INPP5A: variants seen among roughly 807,000 people sequenced by gnomAD.
INPP5A encodes the protein 43 kDa inositol polyphosphate 5-phophatase.
Under a neutral mutation model 65.2 loss-of-function variants are expected in INPP5A, and 14 were observed. The observed-to-expected ratio is 0.21, with a 90% CI of 0.14 to 0.34. The LOEUF (loss-of-function observed/expected upper bound fraction) is 0.34, where lower values mean the gene tolerates loss of function less well. Among genes scored for constraint, INPP5A ranks in the 10% least tolerant of loss-of-function variants. The pLI, the probability that INPP5A is intolerant of heterozygous loss-of-function variation, is 1.00. For missense variants in INPP5A, 431 were observed against 545.6 expected, an observed-to-expected ratio of 0.79 and a Z score of 2.09; for synonymous variants, 207 against 208.3, an observed-to-expected ratio of 0.99 and a Z score of 0.05.
Position 132,637,003 on chromosome 10 carries a change from C to T in INPP5A, c.118-8865C>T, listed in dbSNP as rs541269788. Among the ~76,000 whole-genome samples, 145 of 152,214 alleles carry T rather than the reference C, an allele frequency of 9.5e-4. No individual in the cohort carries two copies. The highest frequency in any genetic ancestry group is 3.4e-3 in the African/African-American group (141 of 41,518). On this transcript the variant is annotated intron_variant, in intron 2 of 15. Coordinates refer to ENST00000368594, the MANE Select transcript of INPP5A (RefSeq NM_005539.5). The surrounding 1 kb of genome is among the most constrained non-coding windows in gnomAD (Gnocchi z 4.1). ...CACAATCTCAGCTCACTGAAACTTCCGCCTCCCGGGTTCAAGCGATTCTCC... is the reference window on the plus strand; with the variant it reads ...CACAATCTCAGCTCACTGAAACTTCTGCCTCCCGGGTTCAAGCGATTCTCC...
intron 4 of INPP5A, among the ~76,000 whole-genome samples, chr10:132,658,825 C>T (rs143074863): frequency 9.2e-5 from 14 of 152,228 alleles, no homozygotes; most frequent in African/African-American, 3.1e-4. Context: ...CCACCAAGAC[C>T]GCCGAGACTG....
intron 3 of INPP5A, among the ~76,000 whole-genome samples, chr10:132,648,201 T>A (rs2072524353): frequency 6.6e-6 from 1 of 152,298 alleles, no homozygotes; most frequent in Non-Finnish European, 1.5e-5. Context: ...AAAGTGGGGG[T>A]GCACCCTGAG....
intron 2 of INPP5A, among the ~76,000 whole-genome samples, chr10:132,612,667 C>A (rs1010180959): frequency 6.6e-6 from 1 of 152,196 alleles, no homozygotes; most frequent in Non-Finnish European, 1.5e-5. Context: ...GGGCCCTTGC[C>A]CCTTGCCTGG....
At position 132,555,612 on chromosome 10, in the gene INPP5A, C is replaced by T. The variant is rs1448414624; in HGVS notation, c.75+17441C>T. On this transcript the variant is annotated intron_variant, in intron 1 of 15. Coordinates refer to ENST00000368594, the MANE Select transcript of INPP5A (RefSeq NM_005539.5). The surrounding 1 kb of genome is among the most constrained non-coding windows in gnomAD (Gnocchi z 4.4). The stretch of plus-strand genomic sequence containing the variant: ...CGTGGGTCACAAACTCAAATGCACA[C>T]ACTTGGGGCTTCTATCCTATCAGGG... Among the ~76,000 whole-genome samples the T allele has an allele frequency of 2.0e-5, 3 of 152,180 alleles. No individual in the cohort carries two copies. Among genetic ancestry groups the T allele is most frequent in the African/African-American group, 7.2e-5 (3 of 41,430 alleles).
At chr10:132,732,820 G>T (rs1846109456) in intron 9 of INPP5A, among the ~76,000 whole-genome samples, 1 of 152,140 alleles carries the variant, frequency 6.6e-6, no homozygotes, top group African/African-American at 2.4e-5. Flanking sequence ...GAGGGTCACG[G>T]CCTGTCTTCT....
intron 2 of INPP5A, among the ~76,000 whole-genome samples, chr10:132,614,065 A>G (rs1240596515): frequency 1.3e-5 from 2 of 152,222 alleles, no homozygotes; most frequent in African/African-American, 2.4e-5. Flanking sequence ...CTCCATCGCC[A>G]GTCGTGAGCA....
chr10:132,650,313 G>A lies in INPP5A; in HGVS notation c.219-105G>A. ...CCTGTCACGGGTGGATGGTCTCACG[G>A]TGATGTACCTATGTGCTGGAGCCCC... On this transcript the variant is annotated intron_variant, in intron 3 of 15. Coordinates refer to ENST00000368594, the MANE Select transcript of INPP5A (RefSeq NM_005539.5). This position sits in a 1 kb window ranked among gnomAD's most constrained non-coding sequence, Gnocchi z 5.5. 1 of 763,664 alleles carries A rather than the reference G, an allele frequency of 1.3e-6. No individual in the cohort carries two copies. The highest frequency in any genetic ancestry group is 1.8e-5 in the Admixed American group (1 of 55,256). 47.3% of individuals were successfully genotyped at this position (763,664 alleles called of 1,614,324 possible). A position where few individuals can be genotyped will look rare whatever the true frequency, so the allele number is the denominator to read the frequency against.
At chr10:132,613,256 A>G (rs111676539) in intron 2 of INPP5A, among the ~76,000 whole-genome samples, 26 of 142,594 alleles carry the variant, frequency 1.8e-4, no homozygotes, top group South Asian at 1.2e-3. Flanking sequence ...GGCCCACAGG[A>G]CCCCCTCCTT....
chr10:132,679,363 G>A (rs530317589), intron 4 of INPP5A, among the ~76,000 whole-genome samples: 11 of 152,144 alleles, frequency 7.2e-5, no homozygotes, highest in Non-Finnish European at 1.3e-4. Flanking sequence ...GACTTGTCAC[G>A]GGAGACCCAA....
chr10:132,556,999 T>C (rs528902195), intron 1 of INPP5A, among the ~76,000 whole-genome samples: 1 of 152,330 alleles, frequency 6.6e-6, no homozygotes, highest in South Asian at 2.1e-4. Flanking sequence ...GTGGCACTCT[T>C]GGCTGAAAGT....
At chr10:132,716,373 G>T (rs1021921925) in intron 8 of INPP5A, among the ~76,000 whole-genome samples, 1 of 152,220 alleles carries the variant, frequency 6.6e-6, no homozygotes, top group Non-Finnish European at 1.5e-5. Context: ...TCGACGTGAC[G>T]TTGCTGTGAC....
chr10:132,776,308 G>A (rs978163977), intron 12 of INPP5A, among the ~76,000 whole-genome samples: 1 of 152,130 alleles, frequency 6.6e-6, no homozygotes, highest in Non-Finnish European at 1.5e-5. Context: ...GGCTCCCGCT[G>A]GAGCGCGCGG....
At chr10:132,723,343 A>G (rs1274834736) in intron 8 of INPP5A, among the ~76,000 whole-genome samples, 2 of 152,190 alleles carry the variant, frequency 1.3e-5, no homozygotes, top group Non-Finnish European at 2.9e-5. Context: ...GCACTGGGGA[A>G]CTCATTAGAG....
At chr10:132,669,398 A>G (rs1316511471) in intron 4 of INPP5A, among the ~76,000 whole-genome samples, 2 of 152,114 alleles carry the variant, frequency 1.3e-5, no homozygotes, top group African/African-American at 2.4e-5. Flanking sequence ...GAGGGGCACA[A>G]TGCAGGCTCC....
intron 3 of INPP5A, among the ~76,000 whole-genome samples, chr10:132,647,115 C>CTT (rs754272955): frequency 2.8e-5 from 4 of 142,708 alleles, no homozygotes; most frequent in Admixed American, 7.0e-5. Context: ...TTTTTTTTTT[C>CTT]TTTTTTTTTT....
chr10:132,731,533 C>G (rs1195503824), intron 9 of INPP5A, among the ~76,000 whole-genome samples: 1 of 152,210 alleles, frequency 6.6e-6, no homozygotes. Context: ...ACCCCTGCCT[C>G]GTATCAGACG....
At chr10:132,640,047 G>T (rs1216243306) in intron 2 of INPP5A, among the ~76,000 whole-genome samples, 1 of 152,148 alleles carries the variant, frequency 6.6e-6, no homozygotes, top group Non-Finnish European at 1.5e-5. Context: ...TCCGGCATTG[G>T]TGTTGTCTTA....
chr10:132,718,857 AC>A (rs1165438136), intron 8 of INPP5A, among the ~76,000 whole-genome samples: 1 of 141,746 alleles, frequency 7.1e-6, no homozygotes, highest in African/African-American at 2.7e-5. Context: ...GGCACCTTAG[AC>A]GGCTGTCTTC....
intron 2 of INPP5A, among the ~76,000 whole-genome samples, chr10:132,611,744 T>G (rs1360461290): frequency 1.3e-3 from 59 of 45,374 alleles, no homozygotes; most frequent in South Asian, 3.5e-3. Context: ...GGTGAGGAGT[T>G]CATGGGAGAG....
Sources: gnomAD v4.1 joint callset for allele counts (sites outside exome capture counted in the v4.1 genomes callset) on GRCh38, gnomAD v4.1.1 for gene constraint, Gnocchi (gnomAD v3.1) non-coding constraint, MANE v1.5 for transcripts, NCBI Gene and HGNC (gene_info 2026-07-23, HGNC 2026-07-21) for gene names.